Variants in KCNIP4 observed in about 807,000 individuals in gnomAD.
KCNIP4 encodes the protein potassium voltage-gated channel interacting protein 4.
KCNIP4 carries 12 observed loss-of-function variants against 34.0 expected under a neutral mutation model. The ratio of observed to expected loss-of-function variants is 0.35; its 90% CI spans 0.23 to 0.57. The LOEUF (loss-of-function observed/expected upper bound fraction) is 0.57. Ranked by LOEUF, KCNIP4 falls within the 20% of genes least tolerant of loss-of-function variation. KCNIP4 has a pLI of 0.83. For synonymous variants in KCNIP4, 124 were observed against 102.2 expected (o/e 1.21, Z -1.29); for missense variants, 238 against 311.7 (o/e 0.76, Z 1.78).
intron 1 of KCNIP4, among the ~76,000 whole-genome samples, chr4:21,371,493 G>A (rs1212639068): frequency 2.0e-5 from 3 of 146,922 alleles, no homozygotes; most frequent in Admixed American, 6.6e-5. Flanking sequence ...TACTATCTCT[G>A]TGAGCTTGAG....
At chr4:21,105,596 C>G (rs1430081165) in intron 1 of KCNIP4, among the ~76,000 whole-genome samples, 1 of 151,586 alleles carries the variant, frequency 6.6e-6, no homozygotes, top group Non-Finnish European at 1.5e-5. Flanking sequence ...TTTCCTTCTC[C>G]TGCCTAATTG....
chr4:21,499,415 A>G (rs1733124495), intron 1 of KCNIP4, among the ~76,000 whole-genome samples: 1 of 151,984 alleles, frequency 6.6e-6, no homozygotes, highest in African/African-American at 2.4e-5. Flanking sequence ...AGCTTGAACA[A>G]TACTACATAT....
At chr4:21,599,622 T>G (rs1038102055) in intron 1 of KCNIP4, among the ~76,000 whole-genome samples, 4 of 152,080 alleles carry the variant, frequency 2.6e-5, no homozygotes, top group Admixed American at 6.6e-5. Flanking sequence ...CAAGTGACAG[T>G]GCTGTCCTTT....
chr4:21,273,280 C>G (rs1762260907), intron 1 of KCNIP4, among the ~76,000 whole-genome samples: 1 of 152,114 alleles, frequency 6.6e-6, no homozygotes, highest in Non-Finnish European at 1.5e-5. Context: ...CCTACTGTAT[C>G]CTCTATAGCA....
At chr4:21,873,607 T>C (rs373927586) in intron 1 of KCNIP4, among the ~76,000 whole-genome samples, 12 of 152,186 alleles carry the variant, frequency 7.9e-5, no homozygotes, top group South Asian at 2.1e-4. Flanking sequence ...ATTATTACTA[T>C]TGGACAAAAT....
chr4:21,409,398 C>G (rs765519895), intron 1 of KCNIP4, among the ~76,000 whole-genome samples: 13 of 152,040 alleles, frequency 8.6e-5, no homozygotes, highest in Non-Finnish European at 1.5e-4. Context: ...CACCCAGCCT[C>G]AAGTATTATT....
At chr4:20,833,649 C>A (rs10021507) in intron 3 of KCNIP4, among the ~76,000 whole-genome samples, 3 of 152,058 alleles carry the variant, frequency 2.0e-5, no homozygotes, top group African/African-American at 7.3e-5. Flanking sequence ...TGGTCCTTTA[C>A]GCAAAATAAT....
At chr4:21,558,511 A>AATAAATAT (rs1452592631) in intron 1 of KCNIP4, among the ~76,000 whole-genome samples, 2 of 151,570 alleles carry the variant, frequency 1.3e-5, no homozygotes, top group African/African-American at 2.4e-5. Flanking sequence ...TAAATAAATA[A>AATAAATAT]ATATATAAAT....
chr4:21,089,628 A>G (rs1746797419), intron 1 of KCNIP4, among the ~76,000 whole-genome samples: 1 of 152,208 alleles, frequency 6.6e-6, no homozygotes. Flanking sequence ...ATCAAAAAGT[A>G]AAAAACTGGG....
chr4:21,947,471 G>T (rs1279604376), intron 1 of KCNIP4, among the ~76,000 whole-genome samples: 1 of 152,160 alleles, frequency 6.6e-6, no homozygotes, highest in Middle Eastern at 3.4e-3. Flanking sequence ...GTGTCCTCCC[G>T]GTTACGATGA....
intron 1 of KCNIP4, among the ~76,000 whole-genome samples, chr4:21,490,474 C>A (rs1732293804): frequency 6.6e-6 from 1 of 152,026 alleles, no homozygotes; most frequent in Non-Finnish European, 1.5e-5. Context: ...TCTAAAAATA[C>A]TTCCAAGGTA....
intron 1 of KCNIP4, among the ~76,000 whole-genome samples, chr4:20,928,187 A>G (rs2149596506): frequency 6.6e-6 from 1 of 151,766 alleles, no homozygotes; most frequent in South Asian, 2.1e-4. Context: ...TATTATCCTT[A>G]TTGGGACTAT....
chr4:21,748,288 T>G (rs1000131154), intron 1 of KCNIP4, among the ~76,000 whole-genome samples: 1 of 152,126 alleles, frequency 6.6e-6, no homozygotes, highest in Non-Finnish European at 1.5e-5. Flanking sequence ...TGCTACAACT[T>G]TCCACTAGGC....
At chr4:21,946,683 T>C (rs1431430481) in intron 1 of KCNIP4, among the ~76,000 whole-genome samples, 2 of 152,232 alleles carry the variant, frequency 1.3e-5, no homozygotes, top group East Asian at 1.9e-4. Context: ...ATTCTTCTCA[T>C]CATATGACAA....
intron 1 of KCNIP4, among the ~76,000 whole-genome samples, chr4:20,970,272 G>T (rs915339142): frequency 1.3e-5 from 2 of 152,020 alleles, no homozygotes; most frequent in Admixed American, 1.3e-4. Flanking sequence ...GGGACTGGGG[G>T]TATTTTCTTC....
At chr4:21,436,969 C>T (rs1345509437) in intron 1 of KCNIP4, among the ~76,000 whole-genome samples, 1 of 152,160 alleles carries the variant, frequency 6.6e-6, no homozygotes, top group African/African-American at 2.4e-5. Flanking sequence ...CTAACACCTT[C>T]AATCCTTCAG....
intron 1 of KCNIP4, among the ~76,000 whole-genome samples, chr4:20,924,655 A>C (rs141368512): frequency 5.3e-4 from 81 of 152,334 alleles, no homozygotes; most frequent in African/African-American, 1.9e-3. Context: ...TATATGTCAA[A>C]ATGCTTAGCA....
chr4:21,550,368 C>T (rs1379815831), intron 1 of KCNIP4, among the ~76,000 whole-genome samples: 1 of 152,082 alleles, frequency 6.6e-6, no homozygotes, highest in African/African-American at 2.4e-5. Flanking sequence ...ATAATGGGCA[C>T]TGGAAGGAGG....
intron 1 of KCNIP4, chr4:21,762,967 C>T: frequency 2.3e-6 from 3 of 1,288,856 alleles, no homozygotes; most frequent in Non-Finnish European, 3.0e-6. Flanking sequence ...CCCTCTGGGA[C>T]CACTGGGTGT....
Sources: gnomAD v4.1 joint callset for allele counts (sites outside exome capture counted in the v4.1 genomes callset) on GRCh38, gnomAD v4.1.1 for gene constraint, MANE v1.5 for transcripts, NCBI Gene and HGNC (gene_info 2026-07-23, HGNC 2026-07-21) for gene names.